Variants in POU6F2 observed in about 807,000 individuals in gnomAD.
POU6F2 encodes the protein POU domain, class 6, transcription factor 2.
POU6F2 carries 31 observed loss-of-function variants against 71.3 expected under a neutral mutation model. The observed-to-expected ratio is 0.43, with a 90% CI of 0.33 to 0.59. The LOEUF (loss-of-function observed/expected upper bound fraction) is 0.59, where lower values mean the gene tolerates loss of function less well. POU6F2 is among the 20% of genes least tolerant of loss of function. The pLI, the probability that POU6F2 is intolerant of heterozygous loss-of-function variation, is 0.04. For missense variants in POU6F2, 783 were observed against 856.8 expected (o/e 0.91, Z 1.07); for synonymous variants, 347 against 355.7 (o/e 0.98, Z 0.27).
chr7:39,126,764 G>A (rs944544195), intron 2 of POU6F2, among the ~76,000 whole-genome samples: 6 of 152,262 alleles, frequency 3.9e-5, no homozygotes, highest in Middle Eastern at 3.4e-3. Flanking sequence ...TGTCTTAAAT[G>A]TATATGGAAA....
intron 8 of POU6F2, among the ~76,000 whole-genome samples, chr7:39,453,713 T>G (rs1295243857): frequency 2.0e-5 from 3 of 152,230 alleles, no homozygotes; most frequent in Non-Finnish European, 2.9e-5. Context: ...ATGGGCCAGA[T>G]AGAACTTTCA....
intron 1 of POU6F2, among the ~76,000 whole-genome samples, chr7:39,045,318 A>G (rs570831610): frequency 2.3e-4 from 35 of 152,010 alleles, no homozygotes; most frequent in African/African-American, 8.2e-4. Context: ...TTCCTATATA[A>G]AAGCCTGTGG....
At chr7:39,101,183 C>T (rs1211519667) in intron 2 of POU6F2, among the ~76,000 whole-genome samples, 3 of 151,708 alleles carry the variant, frequency 2.0e-5, no homozygotes, top group African/African-American at 7.3e-5. Flanking sequence ...AAGCAATTCT[C>T]CTGCCTCAGC....
At chr7:39,233,514 C>T (rs1466216492) in intron 4 of POU6F2, among the ~76,000 whole-genome samples, 8 of 152,132 alleles carry the variant, frequency 5.3e-5, no homozygotes, top group African/African-American at 1.2e-4. Context: ...GGGTCTGTCC[C>T]GAGGCTGATC....
chr7:39,195,691 C>T (rs1207738845), intron 2 of POU6F2, among the ~76,000 whole-genome samples: 2 of 151,984 alleles, frequency 1.3e-5, no homozygotes, highest in Non-Finnish European at 2.9e-5. Flanking sequence ...AAGAAGGTGT[C>T]AGATGGGGAA....
chr7:39,221,445 C>T (rs574864381), intron 4 of POU6F2, among the ~76,000 whole-genome samples: 15 of 127,128 alleles, frequency 1.2e-4, no homozygotes, highest in Admixed American at 9.9e-4. Flanking sequence ...GACTGGAGTG[C>T]GGTGGCATGA....
chr7:39,335,964 G>C lies in POU6F2; in HGVS notation c.599-3678G>C, dbSNP rs566025734. On this transcript the variant is annotated intron_variant, in intron 4 of 9. Coordinates refer to ENST00000518318, the MANE Select transcript of POU6F2 (RefSeq NM_001370959.1). ...CCAAGGCTCTCCTGTGGCTCCAACA[G>C]GACAGCCCTTGCTGGTGGCTGCCCT... Among the ~76,000 whole-genome samples the C allele has an allele frequency of 2.6e-5, 4 of 152,254 alleles. No individual in the cohort carries two copies. The East Asian group carries it at 7.8e-4, about 30-fold the overall frequency.
At chr7:39,378,529 A>C (rs1233414857) in intron 5 of POU6F2, among the ~76,000 whole-genome samples, 1 of 152,124 alleles carries the variant, frequency 6.6e-6, no homozygotes, top group Non-Finnish European at 1.5e-5. Flanking sequence ...CAAGAGTCAG[A>C]AGACAGAGTT....
intron 5 of POU6F2, among the ~76,000 whole-genome samples, chr7:39,372,945 T>C (rs1407437416): frequency 2.0e-5 from 3 of 152,044 alleles, no homozygotes; most frequent in Non-Finnish European, 4.4e-5. Context: ...TAAAGATATT[T>C]AAAAAATTAA....
At chr7:39,067,073 A>T (rs1405889127) in intron 1 of POU6F2, among the ~76,000 whole-genome samples, 1 of 149,202 alleles carries the variant, frequency 6.7e-6, no homozygotes, top group Non-Finnish European at 1.5e-5. Flanking sequence ...GCATATATAT[A>T]CACTTAACGT....
At chr7:39,442,549 T>TTTC (rs1788428815) in intron 7 of POU6F2, among the ~76,000 whole-genome samples, 1 of 152,242 alleles carries the variant, frequency 6.6e-6, no homozygotes, top group African/African-American at 2.4e-5. Context: ...ATTAAGGACT[T>TTTC]TTCTTCCCCC....
intron 4 of POU6F2, among the ~76,000 whole-genome samples, chr7:39,266,305 A>G (rs887021922): frequency 1.3e-5 from 2 of 152,204 alleles, no homozygotes; most frequent in Non-Finnish European, 2.9e-5. Context: ...ATTGACCAGG[A>G]AGAAGGGTTC....
intron 1 of POU6F2, among the ~76,000 whole-genome samples, chr7:39,035,721 CTT>C (rs113214528): frequency 6.9e-6 from 1 of 145,314 alleles, no homozygotes; most frequent in African/African-American, 2.5e-5. Context: ...CTACTTGGTG[CTT>C]TTTTTTTTTC....
chr7:39,042,726 A>G (rs1402421784), intron 1 of POU6F2, among the ~76,000 whole-genome samples: 3 of 151,920 alleles, frequency 2.0e-5, no homozygotes, highest in African/African-American at 7.2e-5. Flanking sequence ...TGCACTGTCA[A>G]TCTCCAAGTG....
intron 5 of POU6F2, among the ~76,000 whole-genome samples, chr7:39,375,471 C>T (rs915909689): frequency 2.0e-5 from 3 of 152,088 alleles, no homozygotes; most frequent in Non-Finnish European, 2.9e-5. Context: ...CGTGGGAGTC[C>T]TCCCAGCCCC....
intron 5 of POU6F2, among the ~76,000 whole-genome samples, chr7:39,345,216 T>C (rs1308696855): frequency 6.6e-6 from 1 of 152,192 alleles, no homozygotes; most frequent in Admixed American, 6.5e-5. Flanking sequence ...AAGGTCTTAT[T>C]CATCTTGATT....
chr7:39,437,263 G>A (rs1481512857), intron 7 of POU6F2, among the ~76,000 whole-genome samples: 1 of 152,060 alleles, frequency 6.6e-6, no homozygotes, highest in African/African-American at 2.4e-5. Flanking sequence ...GGCTTTTTTT[G>A]GTTGGTAGGC....
At chr7:39,254,272 C>T (rs1783976746) in intron 4 of POU6F2, among the ~76,000 whole-genome samples, 1 of 152,096 alleles carries the variant, frequency 6.6e-6, no homozygotes, top group Admixed American at 6.6e-5. Flanking sequence ...TTTGTTTAAA[C>T]ATTCGCAACG....
intron 2 of POU6F2, among the ~76,000 whole-genome samples, chr7:39,192,077 C>T (rs537323915): frequency 6.6e-6 from 1 of 152,278 alleles, no homozygotes; most frequent in South Asian, 2.1e-4. Flanking sequence ...GTGAGTTGTG[C>T]GACATCTTTC....
Sources: gnomAD v4.1 joint callset for allele counts (sites outside exome capture counted in the v4.1 genomes callset) on GRCh38, gnomAD v4.1.1 for gene constraint, MANE v1.5 for transcripts, NCBI Gene and HGNC (gene_info 2026-07-23, HGNC 2026-07-21) for gene names.